TVP23C: variants seen among roughly 807,000 people sequenced by gnomAD.
TVP23C encodes the protein trans-golgi network vesicle protein 23 homolog C.
In TVP23C, 19 loss-of-function variants were observed where a neutral mutation model predicts 28.7. That is an observed-to-expected ratio of 0.66 (90% CI 0.46 to 0.97). The LOEUF (loss-of-function observed/expected upper bound fraction) is 0.97, where lower values mean the gene tolerates loss of function less well. TVP23C is among the 50% of genes least tolerant of loss of function. TVP23C has a pLI of 0.00. For synonymous variants in TVP23C, 68 were observed against 81.7 expected, an observed-to-expected ratio of 0.83 and a Z score of 0.90; for missense variants, 186 against 241.3, an observed-to-expected ratio of 0.77 and a Z score of 1.52.
At chr17:15,543,132 C>T (rs1352998352) in intron 5 of TVP23C, among the ~76,000 whole-genome samples, 7 of 149,840 alleles carry the variant, frequency 4.7e-5, no homozygotes, top group Non-Finnish European at 1.0e-4. Context: ...GAACGCAAAA[C>T]CAGGCAGCCC....
chr17:15,511,152 A>C (rs1377326797), intron 5 of TVP23C, among the ~76,000 whole-genome samples: 2 of 152,110 alleles, frequency 1.3e-5, no homozygotes, highest in Admixed American at 1.3e-4. Context: ...AGCTAGGGAA[A>C]CAGGATCATA....
At position 15,539,712 on chromosome 17, in the gene TVP23C, T is replaced by C. The variant is rs570365057; in HGVS notation, c.*700A>G. Reference sequence around the variant, plus strand: ...TGAAAACCCTGATGTTGAGGTATTATAGTAAAATCCTTATGTTCTAGGGGG... The same window carrying C: ...TGAAAACCCTGATGTTGAGGTATTACAGTAAAATCCTTATGTTCTAGGGGG... On this transcript the variant is annotated 3_prime_UTR_variant, in exon 6 of 6. Transcript: ENST00000518321. 2.3e-4 allele frequency: 230 copies of C among 985,332 alleles called. No individual in the cohort carries two copies. In the African/African-American group the frequency reaches 3.7e-3, roughly 16 times the overall value. 61.0% of individuals were successfully genotyped at this position (985,332 alleles called of 1,614,324 possible).
rs1455952899 is a variant in TVP23C at position 15,538,185 on chromosome 17, T to A, written c.*2227A>T. 1.2e-6 allele frequency: 2 copies of A among 1,613,654 alleles called. No homozygotes were observed. Among genetic ancestry groups the A allele is most frequent in the South Asian group, 1.1e-5 (1 of 91,004 alleles). On this transcript the variant is annotated 3_prime_UTR_variant, in exon 6 of 6. Coordinates refer to ENST00000518321, the MANE Select transcript of TVP23C (RefSeq NM_001135036.2). ...AAGACAAAAAAAGAACTCCTTAACA[T>A]CAAAGTTATTTCACTTCACACACCA... is the stretch of plus-strand genomic sequence containing the variant.
Position 15,540,317 on chromosome 17 carries a change from A to G in TVP23C, c.*95T>C. 6.6e-6 allele frequency: 9 copies of G among 1,372,632 alleles called. No homozygotes were observed. The highest frequency in any genetic ancestry group is 2.5e-5 in the East Asian group (1 of 39,444). The allele number at this position is 1,372,632 out of a possible 1,614,324, so 85.0% of individuals were successfully genotyped here. ...GAGCAATTACAACATCTTTATCATT[A>G]TATTTATACAACTATATGCCTTTAA... On this transcript the variant is annotated 3_prime_UTR_variant, in exon 6 of 6. Coordinates refer to ENST00000518321, the MANE Select transcript of TVP23C (RefSeq NM_001135036.2).
chr17:15,507,576 C>T (rs538134851), intron 5 of TVP23C, among the ~76,000 whole-genome samples: 4 of 152,200 alleles, frequency 2.6e-5, no homozygotes, highest in African/African-American at 7.2e-5. Context: ...CGGTGGCTCA[C>T]GCCTGTAATC....
chr17:15,541,705 C>G (rs542147514), intron 5 of TVP23C, among the ~76,000 whole-genome samples: 1 of 152,096 alleles, frequency 6.6e-6, no homozygotes, highest in African/African-American at 2.4e-5. Flanking sequence ...GGAGGTGGTA[C>G]TTTCTGTTCT....
intron 5 of TVP23C, among the ~76,000 whole-genome samples, chr17:15,521,419 T>G (rs1462972863): frequency 6.6e-6 from 1 of 152,036 alleles, no homozygotes; most frequent in Non-Finnish European, 1.5e-5. Context: ...CAGGAGAATG[T>G]CGTGAGCCCA....
At chr17:15,512,123 A>G (rs1005151230) in intron 5 of TVP23C, among the ~76,000 whole-genome samples, 4 of 152,156 alleles carry the variant, frequency 2.6e-5, no homozygotes, top group Non-Finnish European at 5.9e-5. Flanking sequence ...CTGGGACCAC[A>G]CTTGAGAACC....
chr17:15,544,770 C>T (rs1244040100), intron 5 of TVP23C, among the ~76,000 whole-genome samples: 10 of 152,004 alleles, frequency 6.6e-5, no homozygotes, highest in Admixed American at 2.0e-4. Flanking sequence ...TGAAAAAAGA[C>T]AATAAGCTTC....
At chr17:15,553,962 G>A in intron 2 of TVP23C, 133 bp from the exon 3 acceptor site, 1 of 1,514,082 alleles carries the variant, frequency 6.6e-7, no homozygotes, top group Non-Finnish European at 9.0e-7. Flanking sequence ...ACTTTAGTAG[G>A]AGGAAGCAAA....
At position 15,544,957 on chromosome 17, in the gene TVP23C, T is replaced by G. The variant is rs12450350; in HGVS notation, c.462+828A>C. On this transcript the variant is annotated intron_variant, in intron 5 of 5. Transcript: ENST00000518321. Reference sequence around the variant, plus strand: ...TATTGTGTGAAAATTCACACAATATTTATTCATATCAGATATAAGATAGAA... The same window carrying G: ...TATTGTGTGAAAATTCACACAATATGTATTCATATCAGATATAAGATAGAA... Among the ~76,000 whole-genome samples the G allele has an allele frequency of 3.7e-3, 558 of 152,270 alleles. 6 individuals carry two copies. Among genetic ancestry groups the G allele is most frequent in the Admixed American group, 0.016 (239 of 15,292 alleles).
Position 15,538,919 on chromosome 17 carries a change from T to C in TVP23C, c.*1493A>G. Reference sequence around the variant, plus strand: ...GATGATCATGTCCCTACATGAATATTCATTTTCTCTACTTTTCATCTTCTG... The same window carrying C: ...GATGATCATGTCCCTACATGAATATCCATTTTCTCTACTTTTCATCTTCTG... On this transcript the variant is annotated 3_prime_UTR_variant, in exon 6 of 6. Transcript: ENST00000518321. The C allele has an allele frequency of 1.0e-6, 1 of 985,854 alleles. No individual in the cohort carries two copies. The highest frequency in any genetic ancestry group is 1.2e-6 in the Non-Finnish European group (1 of 829,916). The allele number at this position is 985,854 out of a possible 1,614,324, so 61.1% of individuals were successfully genotyped here. A position where few individuals can be genotyped will look rare whatever the true frequency, so the allele number is the denominator to read the frequency against.
intron 5 of TVP23C, among the ~76,000 whole-genome samples, chr17:15,507,892 T>C (rs1981836145): frequency 6.6e-6 from 1 of 152,178 alleles, no homozygotes; most frequent in Non-Finnish European, 1.5e-5. Context: ...CTATAGCCTC[T>C]TATGCCTCCA....
At chr17:15,504,544 A>G (rs754105373) in intron 5 of TVP23C, among the ~76,000 whole-genome samples, 85 of 151,558 alleles carry the variant, frequency 5.6e-4, no homozygotes, top group East Asian at 1.4e-3. Context: ...CATGAAGGAT[A>G]CTGAGAATCA....
chr17:15,518,293 G>T (rs73978052), intron 5 of TVP23C, among the ~76,000 whole-genome samples: 8,584 of 152,096 alleles, frequency 0.056, 809 homozygotes, highest in African/African-American at 0.2. Flanking sequence ...GTTCAGAGAT[G>T]TGATTGTGTC....
chr17:15,548,889 T>G (rs1430683111), intron 3 of TVP23C, among the ~76,000 whole-genome samples: 1 of 152,186 alleles, frequency 6.6e-6, no homozygotes, highest in African/African-American at 2.4e-5. Context: ...AATAGAACAA[T>G]TATAACAACA....
intron 5 of TVP23C, among the ~76,000 whole-genome samples, chr17:15,518,147 G>A (rs1438803242): frequency 7.7e-6 from 1 of 129,402 alleles, no homozygotes. Flanking sequence ...CAGCCTAGGT[G>A]ACAGATCAAG....
chr17:15,540,468 C>A lies in TVP23C; in HGVS notation c.556G>T (p.Ala186Ser). Residue 186 changes from alanine to serine, a missense_variant, in exon 6 of 6, where the codon GCT becomes TCT. This residue lies in a region of TVP23C where 74 missense variants were observed against 96.0 expected (regional missense o/e 0.77). Transcript: ENST00000518321. Reference sequence around the variant, plus strand: ...AACTGCTTTCCAAAATATGAAGTAGCCATGCTGGTTAAATGCTTTCTGCTG... The same window carrying A: ...AACTGCTTTCCAAAATATGAAGTAGACATGCTGGTTAAATGCTTTCTGCTG... ...VRSRKHLTSM[A>S]TSYFGKQFLR... 6.2e-7 allele frequency: 1 copy of A among 1,609,052 alleles called. No individual in the cohort carries two copies. Among genetic ancestry groups the A allele is most frequent in the Non-Finnish European group, 8.5e-7 (1 of 1,177,948 alleles).
rs193011941 is a variant in TVP23C at position 15,514,127 on chromosome 17, A to C, written c.463-10895T>G. Among the ~76,000 whole-genome samples the C allele has an allele frequency of 3.7e-3, 558 of 152,348 alleles. 6 individuals carry two copies. The highest frequency in any genetic ancestry group is 0.015 in the Admixed American group (236 of 15,296). On this transcript the variant is annotated intron_variant, in intron 5 of 5. Transcript: ENST00000225576. ...GCTTAGGAGCAGAGGCTGGACTTTCAAGGTGAATATGGCCCATCAATCCGG... is the reference window on the plus strand; with the variant it reads ...GCTTAGGAGCAGAGGCTGGACTTTCCAGGTGAATATGGCCCATCAATCCGG...
Sources: allele counts gnomAD v4.1 joint callset (sites outside exome capture counted in the v4.1 genomes callset), GRCh38; gene constraint gnomAD v4.1.1; regional missense constraint gnomAD v4.1.1; transcripts MANE v1.5; gene names NCBI Gene and HGNC (gene_info 2026-07-23, HGNC 2026-07-21).